The following LOC101059915 variants were observed in gnomAD, a reference collection of about 807,000 sequenced individuals.
chrX:71,668,246 C>T, the LOC101059915 span: 119 of 1,122,087 alleles, frequency 1.1e-4, no homozygotes, highest in South Asian at 5.1e-4. Context: ...TGGAGAGGTG[C>T]GCTGAGCCCC....
At chrX:71,669,225 C>T in the LOC101059915 span, among the ~76,000 whole-genome samples, 3 of 111,911 alleles carry the variant, frequency 2.7e-5, no homozygotes, top group Non-Finnish European at 3.8e-5. Flanking sequence ...GGGTCCTCCT[C>T]TTAGGAGCAC....
the LOC101059915 span, chrX:71,671,494 C>T: frequency 3.1e-6 from 1 of 327,389 alleles, no homozygotes; most frequent in Non-Finnish European, 5.4e-6. Context: ...CAACACAGTT[C>T]AAAGCAGTGT....
At chrX:71,669,136 C>T in the LOC101059915 span, 7 of 1,014,059 alleles carry the variant, frequency 6.9e-6, no homozygotes, top group African/African-American at 1.9e-5. Flanking sequence ...TTCCAGCACA[C>T]GCCTCTTTGC....
chrX:71,667,911 C>T, the LOC101059915 span: 1 of 1,129,637 alleles, frequency 8.9e-7, no homozygotes, highest in South Asian at 2.2e-5. Context: ...GGGGTGACGG[C>T]CACGGCCGAG....
chrX:71,669,482 A>G, the LOC101059915 span: 15 of 854,544 alleles, frequency 1.8e-5, no homozygotes, highest in African/African-American at 2.6e-4. Flanking sequence ...TGGGGTCTCC[A>G]CCTTAACACA....
the LOC101059915 span, among the ~76,000 whole-genome samples, chrX:71,669,881 G>A: frequency 4.6e-5 from 4 of 87,500 alleles, no homozygotes; most frequent in South Asian, 6.6e-4. Context: ...AAGCCACATC[G>A]TCCTCTCTGA....
chrX:71,668,038 G>C, the LOC101059915 span: 1 of 1,164,666 alleles, frequency 8.6e-7, no homozygotes, highest in South Asian at 1.9e-5. Context: ...GCAGGGAAGG[G>C]TGGTGCTCTG....
the LOC101059915 span, chrX:71,667,680 C>T: frequency 3.3e-5 from 24 of 725,258 alleles, no homozygotes; most frequent in Admixed American, 6.0e-5. Flanking sequence ...TGTATCAATT[C>T]GCTCTCAGGC....
At chrX:71,670,476 G>A in the LOC101059915 span, 1 of 1,089,601 alleles carries the variant, frequency 9.2e-7, no homozygotes, top group South Asian at 2.2e-5. Flanking sequence ...TTCCATTGAG[G>A]GTTTTGTGCC....
the LOC101059915 span, chrX:71,668,696 G>T: frequency 4.6e-6 from 5 of 1,075,536 alleles, no homozygotes; most frequent in African/African-American, 7.6e-5. Flanking sequence ...TGGGGAAAGA[G>T]GGGGGTCAGG....
At chrX:71,670,731 TGCAGGTATAGGTGGTGTCACTGG>T in the LOC101059915 span, 1 of 1,097,245 alleles carries the variant, frequency 9.1e-7, no homozygotes, top group Admixed American at 3.9e-5. Flanking sequence ...GGGGGTGGAC[TGCAGGTATAGGTGGTGTCACTGG>T]GACTGACTTC....
chrX:71,667,800 C>A, the LOC101059915 span: 1 of 1,055,276 alleles, frequency 9.5e-7, no homozygotes, highest in Non-Finnish European at 1.2e-6. Context: ...GACTGGCGGG[C>A]GCCATGAGCT....
At chrX:71,668,895 G>A in the LOC101059915 span, 3 of 1,114,416 alleles carry the variant, frequency 2.7e-6, no homozygotes, top group South Asian at 4.5e-5. Flanking sequence ...TGTCTGGCGT[G>A]GGGCTCCTGG....
chrX:71,671,182 A>G, the LOC101059915 span: 4 of 1,164,461 alleles, frequency 3.4e-6, no homozygotes, highest in Admixed American at 1.0e-4. Flanking sequence ...GGTCTGGAGT[A>G]CCCAGTTCTG....
the LOC101059915 span, chrX:71,671,433 A>G: frequency 4.3e-4 from 190 of 440,614 alleles, 2 homozygotes; most frequent in Middle Eastern, 3.3e-3. Context: ...GGTTCCCTCC[A>G]TATCCTGTTC....
At chrX:71,669,661 C>T in the LOC101059915 span, 1 of 970,793 alleles carries the variant, frequency 1.0e-6, no homozygotes, top group Non-Finnish European at 1.3e-6. Flanking sequence ...AGGAACCTCA[C>T]AGCCCTCGGC....
At chrX:71,667,763 A>G in the LOC101059915 span, 1 of 1,016,953 alleles carries the variant, frequency 9.8e-7, no homozygotes, top group South Asian at 3.5e-5. Context: ...TACCAGGACG[A>G]CTGTCTCCCC....
At chrX:71,669,275 T>G in the LOC101059915 span, among the ~76,000 whole-genome samples, 2 of 111,820 alleles carry the variant, frequency 1.8e-5, no homozygotes, top group African/African-American at 6.5e-5. Context: ...GGCCTGGCTC[T>G]GGACACTCTG....
the LOC101059915 span, chrX:71,671,327 C>A: frequency 1.9e-6 from 2 of 1,033,096 alleles, no homozygotes; most frequent in South Asian, 4.5e-5. Flanking sequence ...GGCTGGGGGC[C>A]CATCCCTGAG....
Sources: gnomAD v4.1 joint callset for allele counts (sites outside exome capture counted in the v4.1 genomes callset) on GRCh38, gnomAD v4.1.1 for gene constraint, MANE v1.5 for transcripts.